PTPRR: variants seen among roughly 807,000 people sequenced by gnomAD.
The protein encoded by PTPRR is receptor-type tyrosine-protein phosphatase R.
PTPRR carries 38 observed loss-of-function variants against 77.2 expected under a neutral mutation model. The observed-to-expected ratio is 0.49, with a 90% confidence interval of 0.38 to 0.65. The LOEUF (loss-of-function observed/expected upper bound fraction) is 0.65. Ranked by LOEUF, PTPRR falls within the 30% of genes least tolerant of loss-of-function variation. The pLI is 0.00. For missense variants in PTPRR, 744 were observed against 799.2 expected (o/e 0.93, Z 0.83); for synonymous variants, 299 against 283.1 (o/e 1.06, Z -0.57).
intron 6 of PTPRR, among the ~76,000 whole-genome samples, chr12:70,719,694 C>T (rs1192899965): frequency 6.6e-6 from 1 of 152,124 alleles, no homozygotes. Flanking sequence ...GGGCCACGGG[C>T]GCCCAGCTGG....
intron 2 of PTPRR, among the ~76,000 whole-genome samples, chr12:70,864,692 C>T (rs1892810210): frequency 6.6e-6 from 1 of 152,174 alleles, no homozygotes; most frequent in Non-Finnish European, 1.5e-5. Context: ...TGAATTGTAG[C>T]TCCCATAATT....
intron 5 of PTPRR, among the ~76,000 whole-genome samples, chr12:70,748,375 C>A (rs1167736883): frequency 6.6e-6 from 1 of 152,126 alleles, no homozygotes; most frequent in East Asian, 1.9e-4. Flanking sequence ...TTTCTCTGCA[C>A]AGATTGAGAT....
intron 10 of PTPRR, chr12:70,673,033 A>C: frequency 3.6e-5 from 17 of 472,538 alleles, no homozygotes; most frequent in East Asian, 1.8e-4. Flanking sequence ...GGCCAAAGCA[A>C]AAAAAAAAAA....
intron 13 of PTPRR, among the ~76,000 whole-genome samples, chr12:70,651,893 T>G (rs1886408019): frequency 7.4e-6 from 1 of 134,926 alleles, no homozygotes; most frequent in Non-Finnish European, 1.5e-5. Context: ...AATTCTTTGG[T>G]TCCTCATTAA....
chr12:70,836,989 A>G (rs1163001271), intron 2 of PTPRR, among the ~76,000 whole-genome samples: 1 of 152,118 alleles, frequency 6.6e-6, no homozygotes, highest in Non-Finnish European at 1.5e-5. Flanking sequence ...AAGAAAAATT[A>G]TCTTATTTAA....
At chr12:70,890,435 C>T (rs955918312) in intron 2 of PTPRR, among the ~76,000 whole-genome samples, 1 of 152,104 alleles carries the variant, frequency 6.6e-6, no homozygotes, top group Non-Finnish European at 1.5e-5. Flanking sequence ...AGAGACACAA[C>T]TTTCATGCCC....
intron 2 of PTPRR, among the ~76,000 whole-genome samples, chr12:70,882,425 C>T (rs1349842388): frequency 2.0e-5 from 3 of 152,112 alleles, no homozygotes; most frequent in African/African-American, 7.2e-5. Flanking sequence ...ACCAAGAACA[C>T]TCTAGACTAA....
At chr12:70,669,205 C>A (rs1256191386) in intron 10 of PTPRR, among the ~76,000 whole-genome samples, 3 of 152,064 alleles carry the variant, frequency 2.0e-5, no homozygotes, top group African/African-American at 7.2e-5. Flanking sequence ...GTGCATTTCT[C>A]CAGAGTACCC....
At chr12:70,659,671 A>G (rs1886723541) in intron 12 of PTPRR, among the ~76,000 whole-genome samples, 1 of 152,114 alleles carries the variant, frequency 6.6e-6, no homozygotes, top group Admixed American at 6.5e-5. Flanking sequence ...TTTGGCTCCA[A>G]GTTAAGTTTA....
chr12:70,911,171 C>A, intron 1 of PTPRR, among the ~76,000 whole-genome samples: 1 of 152,190 alleles, frequency 6.6e-6, no homozygotes, highest in East Asian at 1.9e-4. Context: ...CATTCAAACA[C>A]CCCTGTCTTG....
rs138691432 is a variant in PTPRR at position 70,917,736 on chromosome 12, C to G, written c.58+2597G>C. On this transcript the variant is annotated intron_variant, in intron 1 of 13. Transcript: ENST00000283228. ...ATAAGCAAAATAATGGGAGATGGCA[C>G]TCAAGTTGCAAGCAGTTTGCTACTT... Among the ~76,000 whole-genome samples the G allele has an allele frequency of 3.3e-3, 505 of 152,248 alleles. 1 individual carries two copies. The highest frequency in any genetic ancestry group is 0.011 in the African/African-American group (463 of 41,556).
At chr12:70,843,636 CAGT>C (rs1263364462) in intron 2 of PTPRR, among the ~76,000 whole-genome samples, 1 of 152,014 alleles carries the variant, frequency 6.6e-6, no homozygotes, top group African/African-American at 2.4e-5. Flanking sequence ...TACTAAAAGT[CAGT>C]AGATGTTTCC....
At chr12:70,766,452 G>A (rs1890824888) in intron 2 of PTPRR, among the ~76,000 whole-genome samples, 1 of 152,076 alleles carries the variant, frequency 6.6e-6, no homozygotes, top group African/African-American at 2.4e-5. Context: ...AGCGAGAAGG[G>A]AAGTTTAGAG....
intron 2 of PTPRR, among the ~76,000 whole-genome samples, chr12:70,858,819 A>G (rs1049078264): frequency 6.6e-6 from 1 of 152,100 alleles, no homozygotes; most frequent in Non-Finnish European, 1.5e-5. Flanking sequence ...TTCTAAGTCC[A>G]TAATGAGTTT....
intron 2 of PTPRR, among the ~76,000 whole-genome samples, chr12:70,878,449 C>T (rs1893091134): frequency 6.6e-6 from 1 of 152,142 alleles, no homozygotes; most frequent in South Asian, 2.1e-4. Flanking sequence ...AGGATATGAA[C>T]AGACACTTCT....
At chr12:70,647,241 G>A (rs1335242577) in intron 13 of PTPRR, among the ~76,000 whole-genome samples, 1 of 152,170 alleles carries the variant, frequency 6.6e-6, no homozygotes, top group Non-Finnish European at 1.5e-5. Flanking sequence ...CACTTCCCAG[G>A]TTCTGTTTTA....
At chr12:70,874,788 G>A (rs908327021) in intron 2 of PTPRR, among the ~76,000 whole-genome samples, 2 of 151,902 alleles carry the variant, frequency 1.3e-5, no homozygotes, top group African/African-American at 4.8e-5. Context: ...TGGGCGTGGT[G>A]GCGTGCACCT....
intron 2 of PTPRR, among the ~76,000 whole-genome samples, chr12:70,827,232 C>T (rs1400331611): frequency 6.6e-6 from 1 of 152,188 alleles, no homozygotes; most frequent in Non-Finnish European, 1.5e-5. Flanking sequence ...TGGGGCAGGG[C>T]CCATGTCTCT....
At chr12:70,806,735 C>A (rs1891716473) in intron 2 of PTPRR, among the ~76,000 whole-genome samples, 1 of 152,172 alleles carries the variant, frequency 6.6e-6, no homozygotes, top group African/African-American at 2.4e-5. Flanking sequence ...TCGTAGTTCC[C>A]ATTTCCTTTA....
Sources: gnomAD v4.1 joint callset for allele counts (sites outside exome capture counted in the v4.1 genomes callset) on GRCh38, gnomAD v4.1.1 for gene constraint, MANE v1.5 for transcripts, NCBI Gene and HGNC (gene_info 2026-07-23, HGNC 2026-07-21) for gene names.